CRYZL1: variants seen among roughly 807,000 people sequenced by gnomAD.
CRYZL1 encodes ferry endosomal RAB5 effector complex subunit 4.
In CRYZL1, 34 loss-of-function variants were observed where a neutral mutation model predicts 50.6. That is an observed-to-expected ratio of 0.67 (90% confidence interval 0.51 to 0.89). The LOEUF (loss-of-function observed/expected upper bound fraction) is 0.89, where lower values mean the gene tolerates loss of function less well. Ranked by LOEUF, CRYZL1 falls within the 40% of genes least tolerant of loss-of-function variation. CRYZL1 has a pLI of 0.00. For missense variants in CRYZL1, 354 were observed against 402.3 expected (o/e 0.88, Z 1.03); for synonymous variants, 125 against 134.3 (o/e 0.93, Z 0.48).
At chr21:33,628,568 G>A (rs1455167608) in intron 2 of CRYZL1, among the ~76,000 whole-genome samples, 2 of 149,560 alleles carry the variant, frequency 1.3e-5, no homozygotes, top group Non-Finnish European at 3.0e-5. Context: ...ATTTTTTATA[G>A]CTATTATAAA....
intron 11 of CRYZL1, chr21:33,594,575 A>G (rs1450210474): frequency 6.6e-6 from 1 of 151,842 alleles, no homozygotes; most frequent in Non-Finnish European, 1.5e-5. Flanking sequence ...TACATTCACT[A>G]CATGAAGGGG....
At chr21:33,635,435 C>G (rs1328071101) in intron 1 of CRYZL1, among the ~76,000 whole-genome samples, 1 of 150,374 alleles carries the variant, frequency 6.7e-6, no homozygotes, top group Non-Finnish European at 1.5e-5. Flanking sequence ...ACTGCAAGCT[C>G]CGCCTCCTGG....
At position 33,589,704 on chromosome 21, in the gene CRYZL1, G is replaced by A. The variant is rs148353071; in HGVS notation, c.*118C>T. On this transcript the variant is annotated 3_prime_UTR_variant, in exon 13 of 13. Coordinates refer to ENST00000381554, the MANE Select transcript of CRYZL1 (RefSeq NM_145858.3). ...GAGCATCTTGTCTTAGCAGAGAAAC[G>A]TGCTTAAAAATGCAACTTGTTTTAT... The A allele has an allele frequency of 2.0e-4, 136 of 669,770 alleles. No homozygotes were observed. The African/African-American group carries it at 2.1e-3, about 10-fold the overall frequency. 41.5% of individuals were successfully genotyped at this position (669,770 alleles called of 1,614,324 possible).
At chr21:33,609,854 C>A (rs1237798242) in intron 6 of CRYZL1, among the ~76,000 whole-genome samples, 5 of 152,008 alleles carry the variant, frequency 3.3e-5, no homozygotes, top group Non-Finnish European at 5.9e-5. Context: ...AGGCACCTGC[C>A]ACCACGCCCG....
chr21:33,599,418 T>C lies in CRYZL1; in HGVS notation c.578-170A>G, dbSNP rs2086728198. 22 of 907,348 alleles carry C rather than the reference T, an allele frequency of 2.4e-5. No individual in the cohort carries two copies. In the South Asian group the frequency reaches 3.0e-4, roughly 13 times the overall value. The allele number at this position is 907,348 out of a possible 1,614,324, so 56.2% of individuals were successfully genotyped here. A position where few individuals can be genotyped will look rare whatever the true frequency, so the allele number is the denominator to read the frequency against. On this transcript the variant is annotated intron_variant, in intron 8 of 12. Transcript: ENST00000381554. Reference sequence around the variant, plus strand: ...GAAAGTCAATTTAAATTATACTTTTTCTCATCTAACCCAATATGGGATATA... The same window carrying C: ...GAAAGTCAATTTAAATTATACTTTTCCTCATCTAACCCAATATGGGATATA...
At chr21:33,591,541 G>T in intron 11 of CRYZL1, 1 of 327,810 alleles carries the variant, frequency 3.1e-6, no homozygotes, top group Non-Finnish European at 5.6e-6. Flanking sequence ...CACTACATAT[G>T]GCATTTTTAG....
At chr21:33,637,016 C>T (rs1185282497) in intron 1 of CRYZL1, among the ~76,000 whole-genome samples, 1 of 152,124 alleles carries the variant, frequency 6.6e-6, no homozygotes, top group Admixed American at 6.6e-5. Context: ...TAAATAAAAC[C>T]TCTACAAATC....
intron 2 of CRYZL1, among the ~76,000 whole-genome samples, chr21:33,625,637 C>T (rs1344432021): frequency 1.3e-5 from 2 of 151,780 alleles, no homozygotes; most frequent in African/African-American, 4.8e-5. Context: ...GCATGCACCA[C>T]CACACCCAGC....
chr21:33,641,631 C>T, intron 1 of CRYZL1, 50 bp downstream of exon 1: 1 of 179,358 alleles, frequency 5.6e-6, no homozygotes, highest in South Asian at 1.0e-4. Context: ...CTCCACCTTT[C>T]GCTTAAAGGC....
At chr21:33,603,300 A>G (rs1020094474) in intron 7 of CRYZL1, 104 bp downstream of exon 7, 1 of 1,372,528 alleles carries the variant, frequency 7.3e-7, no homozygotes, top group East Asian at 2.3e-5. Flanking sequence ...GTCAATCAAT[A>G]AGCTATTGGC....
chr21:33,591,033 C>T (rs1331942837), intron 12 of CRYZL1, 129 bp downstream of exon 12: 1 of 717,072 alleles, frequency 1.4e-6, no homozygotes, highest in Non-Finnish European at 2.5e-6. Flanking sequence ...TATGTTTGCA[C>T]CAACCTAATA....
In CRYZL1 at chr21:33,614,386, G is replaced by A. The variant is rs528543134; in HGVS notation, c.263-780C>T. Among the ~76,000 whole-genome samples, 7 of 152,182 alleles carry A rather than the reference G, an allele frequency of 4.6e-5. No individual in the cohort carries two copies. The East Asian group carries it at 1.4e-3, about 29-fold the overall frequency. ...CACCTGTAGTTCTAGCTATTGAGGA[G>A]GCTGAGGCAGGAGGACTGCTTGAGT... On this transcript the variant is annotated intron_variant, in intron 5 of 12. Coordinates refer to ENST00000381554, the MANE Select transcript of CRYZL1 (RefSeq NM_145858.3).
At chr21:33,592,868 A>C (rs2086657406) in intron 11 of CRYZL1, among the ~76,000 whole-genome samples, 1 of 152,000 alleles carries the variant, frequency 6.6e-6, no homozygotes, top group African/African-American at 2.4e-5. Flanking sequence ...CCTGACCAAT[A>C]TGGTGAAATC....
chr21:33,612,029 A>G (rs148581115), intron 6 of CRYZL1, among the ~76,000 whole-genome samples: 301 of 152,126 alleles, frequency 2.0e-3, no homozygotes, highest in African/African-American at 6.5e-3. Context: ...TCAATTATCT[A>G]TTTGCTTGGT....
At position 33,603,464 on chromosome 21, in the gene CRYZL1, A is replaced by AGCTGT; in HGVS notation, c.400_404dup (p.Leu136GlnfsTer16). On this transcript the variant is annotated frameshift_variant, in exon 7 of 13. Transcript: ENST00000381554. LOFTEE classifies it high-confidence loss of function. ...GAGAGAGATGAGAAAGATAATGCAG[A>AGCTGT]GCTGTATAGGCACGCACTCCATCCC... 6.2e-7 allele frequency: 1 copy of AGCTGT among 1,614,178 alleles called. No homozygotes were observed. Among genetic ancestry groups the AGCTGT allele is most frequent in the East Asian group, 2.2e-5 (1 of 44,884 alleles).
At chr21:33,617,791 G>A (rs944631742) in intron 4 of CRYZL1, among the ~76,000 whole-genome samples, 12 of 152,254 alleles carry the variant, frequency 7.9e-5, no homozygotes, top group Non-Finnish European at 1.3e-4. Context: ...GACAGGGGTC[G>A]ATCTTTAACC....
intron 9 of CRYZL1, among the ~76,000 whole-genome samples, chr21:33,598,552 A>G (rs2086718560): frequency 6.6e-6 from 1 of 152,262 alleles, no homozygotes; most frequent in African/African-American, 2.4e-5. Flanking sequence ...TTTTCCAAAT[A>G]GAGACTGCAG....
chr21:33,592,842 A>T (rs1454683871), intron 11 of CRYZL1, among the ~76,000 whole-genome samples: 1 of 152,108 alleles, frequency 6.6e-6, no homozygotes, highest in Non-Finnish European at 1.5e-5. Flanking sequence ...ACCTGAGGTC[A>T]AGAGTTCGAG....
At chr21:33,620,034 T>C (rs1427461765) in intron 4 of CRYZL1, among the ~76,000 whole-genome samples, 3 of 152,250 alleles carry the variant, frequency 2.0e-5, no homozygotes, top group Non-Finnish European at 2.9e-5. Flanking sequence ...GTTTCACTTA[T>C]ATCCTAAGCA....
Sources: allele counts gnomAD v4.1 joint callset (sites outside exome capture counted in the v4.1 genomes callset), GRCh38; gene constraint gnomAD v4.1.1; transcripts MANE v1.5; gene names NCBI Gene and HGNC (gene_info 2026-07-23, HGNC 2026-07-21).